CPOX: variants seen among roughly 807,000 people sequenced by gnomAD.
CPOX encodes oxygen-dependent coproporphyrinogen-III oxidase, mitochondrial.
In CPOX, 24 loss-of-function variants were observed where a neutral mutation model predicts 48.9. The ratio of observed to expected loss-of-function variants is 0.49; its 90% CI spans 0.36 to 0.69. The LOEUF (loss-of-function observed/expected upper bound fraction) is 0.69. Ranked by LOEUF, CPOX falls within the 30% of genes least tolerant of loss-of-function variation. The pLI, the probability that CPOX is intolerant of heterozygous loss-of-function variation, is 0.00. For missense variants in CPOX, 549 were observed against 597.3 expected (o/e 0.92, Z 0.84); for synonymous variants, 249 against 234.6 (o/e 1.06, Z -0.56).
intron 3 of CPOX, 38 bp downstream of exon 3, chr3:98,590,594 T>C: frequency 7.3e-7 from 1 of 1,368,862 alleles, no homozygotes; most frequent in African/African-American, 1.4e-5. Flanking sequence ...ATGCACATTT[T>C]GCACGACAGT....
In CPOX at chr3:98,579,928, A is replaced by C. The variant is rs1390625815; in HGVS notation, c.*755T>G. ...AGATGTCTGAAATAGAAAACTCTTA[A>C]GTATCAGAATTCAGGGATATAAGCT... On this transcript the variant is annotated 3_prime_UTR_variant, in exon 7 of 7. Coordinates refer to ENST00000647941, the MANE Select transcript of CPOX (RefSeq NM_000097.7). The C allele has an allele frequency of 2.0e-6, 2 of 985,712 alleles. No homozygotes were observed. Among genetic ancestry groups the C allele is most frequent in the Non-Finnish European group, 1.2e-6 (1 of 829,882 alleles). 61.1% of individuals were successfully genotyped at this position (985,712 alleles called of 1,614,324 possible). A position where few individuals can be genotyped will look rare whatever the true frequency, so the allele number is the denominator to read the frequency against.
chr3:98,578,403 G>A (rs1283954038), downstream of CPOX: 1 of 171,468 alleles, frequency 5.8e-6, no homozygotes, highest in East Asian at 1.9e-4. Context: ...GCTAAACTGA[G>A]GTTGATCTGA....
At chr3:98,575,804 A>AT (rs574550913), downstream of CPOX, among the ~76,000 whole-genome samples, 1 of 151,012 alleles carries the variant, frequency 6.6e-6, no homozygotes, top group African/African-American at 2.4e-5. Context: ...GTGCTGGCTC[A>AT]TGCCTGTAAT....
intron 5 of CPOX, among the ~76,000 whole-genome samples, chr3:98,583,133 C>A (rs1225690442): frequency 6.6e-6 from 1 of 152,134 alleles, no homozygotes; most frequent in Non-Finnish European, 1.5e-5. Context: ...TGTAAAGATT[C>A]CTTAATGAAT....
intron 1 of CPOX, among the ~76,000 whole-genome samples, chr3:98,592,284 G>C (rs1707494975): frequency 6.6e-6 from 1 of 152,176 alleles, no homozygotes; most frequent in African/African-American, 2.4e-5. Flanking sequence ...TTCCACTCAA[G>C]ATGTGGGGTT....
the CPOX span, among the ~76,000 whole-genome samples, chr3:98,571,175 G>T: frequency 5.5e-4 from 84 of 152,016 alleles, 1 homozygote; most frequent in African/African-American, 2.0e-3. Context: ...TCTAATCTTT[G>T]TATTTCTAAT....
At chr3:98,584,990 T>C (rs1478524526) in intron 5 of CPOX, among the ~76,000 whole-genome samples, 1 of 152,196 alleles carries the variant, frequency 6.6e-6, no homozygotes, top group Non-Finnish European at 1.5e-5. Flanking sequence ...ACAGGTTTGT[T>C]GAAAAACATC....
At chr3:98,589,514 A>AACACACACACACAC (rs113400986) in intron 3 of CPOX, 1,799 of 151,928 alleles carry the variant, frequency 0.012, 14 homozygotes, top group African/African-American at 0.023. Context: ...GATCACAATA[A>AACACACACACACAC]ACACACACAC....
chr3:98,577,692 A>G (rs971178318), downstream of CPOX, among the ~76,000 whole-genome samples: 7 of 152,252 alleles, frequency 4.6e-5, no homozygotes, highest in African/African-American at 1.7e-4. Flanking sequence ...CTCAGTGGTT[A>G]GAACAGAAAA....
At chr3:98,588,939 T>G in intron 3 of CPOX, 85 bp from the exon 4 acceptor site, 1 of 1,491,014 alleles carries the variant, frequency 6.7e-7, no homozygotes, top group Non-Finnish European at 9.3e-7. Context: ...TTTAGCAGCT[T>G]AATTTTTTCA....
chr3:98,585,077 T>C (rs568859846), intron 5 of CPOX, among the ~76,000 whole-genome samples: 13 of 152,168 alleles, frequency 8.5e-5, no homozygotes, highest in South Asian at 4.1e-4. Flanking sequence ...GTGAAATCTT[T>C]AAGATGAATG....
chr3:98,587,408 T>G (rs1001757557), intron 4 of CPOX, among the ~76,000 whole-genome samples: 1 of 151,292 alleles, frequency 6.6e-6, no homozygotes, highest in Non-Finnish European at 1.5e-5. Context: ...AACTGCATAA[T>G]TTATAAATAA....
intron 5 of CPOX, among the ~76,000 whole-genome samples, chr3:98,582,302 A>G (rs1314521042): frequency 2.0e-5 from 3 of 152,178 alleles, no homozygotes; most frequent in Non-Finnish European, 2.9e-5. Context: ...CTACTACTCA[A>G]AAGAATTTAG....
chr3:98,590,016 G>C (rs1707446970), intron 3 of CPOX, among the ~76,000 whole-genome samples: 1 of 152,184 alleles, frequency 6.6e-6, no homozygotes, highest in East Asian at 1.9e-4. Flanking sequence ...TCGTACATAA[G>C]GTATTCCTTC....
intron 3 of CPOX, 130 bp from the exon 4 acceptor site, chr3:98,588,984 T>A: frequency 9.2e-7 from 1 of 1,081,790 alleles, no homozygotes; most frequent in Non-Finnish European, 1.4e-6. Flanking sequence ...AAATTTTAAC[T>A]GATTTTAGCT....
chr3:98,589,432 G>C (rs921145201), intron 3 of CPOX, among the ~76,000 whole-genome samples: 3 of 152,234 alleles, frequency 2.0e-5, no homozygotes, highest in African/African-American at 7.2e-5. Flanking sequence ...CAGTACACTG[G>C]TGGATCAGGA....
In CPOX at chr3:98,593,359, C is replaced by A; in HGVS notation, c.146G>T (p.Arg49Leu). The A allele has an allele frequency of 7.5e-7, 1 of 1,339,770 alleles. No homozygotes were observed. The highest frequency in any genetic ancestry group is 3.1e-5 in the East Asian group (1 of 32,420). The allele number at this position is 1,339,770 out of a possible 1,614,324, so 83.0% of individuals were successfully genotyped here. A position where few individuals can be genotyped will look rare whatever the true frequency, so the allele number is the denominator to read the frequency against. The change falls in exon 1 of 7, where the codon CGG becomes CTG. Residue 49 changes from arginine (R) to leucine (L), a missense_variant. Around this residue, in one of 2 missense-constraint regions of CPOX, gnomAD observed 336 missense variants for 318.1 expected, o/e 1.06. Coordinates refer to ENST00000647941, the MANE Select transcript of CPOX (RefSeq NM_000097.7). ...CTCCGTGCCAGCCGGGCCAGGGGGC[C>A]GGCAGACGCGTCCGGCTGCGCTGCG... is the stretch of plus-strand genomic sequence containing the variant. ...SQRSAAGRVC[R>L]PPGPAGTEQS... is the part of the protein sequence containing the mutation.
downstream of CPOX, among the ~76,000 whole-genome samples, chr3:98,579,074 C>T (rs1166787363): frequency 6.6e-6 from 1 of 152,198 alleles, no homozygotes; most frequent in East Asian, 1.9e-4. Context: ...TCCCACTAAG[C>T]CTACCCAACA....
rs1707472609 is a variant in CPOX, at chr3:98,591,160, G to A, written c.557-5C>T. The A allele has an allele frequency of 1.9e-6, 3 of 1,613,982 alleles. No homozygotes were observed. The highest frequency in any genetic ancestry group is 1.7e-5 in the Admixed American group (1 of 59,998). On this transcript the variant is annotated splice_region_variant and splice_polypyrimidine_tract_variant and intron_variant, in intron 1 of 6. Transcript: ENST00000647941. Reference sequence around the variant, plus strand: ...CACAGCTGATGCCGCCACCTCCTGTGTATAGAAATGTAAAAAAGGAGAGAA... The same window carrying A: ...CACAGCTGATGCCGCCACCTCCTGTATATAGAAATGTAAAAAAGGAGAGAA...
Sources: allele counts gnomAD v4.1 joint callset (sites outside exome capture counted in the v4.1 genomes callset), GRCh38; gene constraint gnomAD v4.1.1; regional missense constraint gnomAD v4.1.1; transcripts MANE v1.5; gene names NCBI Gene and HGNC (gene_info 2026-07-23, HGNC 2026-07-21).